IL5: variants seen among roughly 807,000 people sequenced by gnomAD.
IL5 encodes the protein interleukin 5.
Under a neutral mutation model 16.3 loss-of-function variants are expected in IL5, and 12 were observed. The ratio of observed to expected loss-of-function variants is 0.74; its 90% confidence interval spans 0.47 to 1.20. The LOEUF is 1.20. Among genes scored for constraint, IL5 ranks in the 50% most tolerant of loss-of-function variants. The probability of loss-of-function intolerance (pLI) is 0.00; values close to 1 mark genes in which losing one functional copy is unlikely to be tolerated. For missense variants in IL5, 159 were observed against 153.9 expected (o/e 1.03, Z -0.17); for synonymous variants, 54 against 56.6 (o/e 0.95, Z 0.21).
rs771313558 is a variant in IL5, at chr5:132,541,896, TCTC to T, written c.317_319del (p.Gly106del). ...GAATTGGTTTACTCTCCGTCTTTCT[TCTC>T]CACACTTTTTCTGTGAAAAAAGAAA... On this transcript the variant is annotated inframe_deletion, in exon 4 of 4. Coordinates refer to ENST00000231454, the MANE Select transcript of IL5 (RefSeq NM_000879.3). 3.1e-6 allele frequency: 5 copies of T among 1,613,886 alleles called. No individual in the cohort carries two copies. Among genetic ancestry groups the T allele is most frequent in the Non-Finnish European group, 1.7e-6 (2 of 1,179,808 alleles).
intron 1 of IL5, among the ~76,000 whole-genome samples, chr5:132,549,009 C>G (rs1318120428): frequency 1.3e-5 from 2 of 152,070 alleles, no homozygotes; most frequent in African/African-American, 4.8e-5. Flanking sequence ...TTCCAAGAAC[C>G]TATTGATGAC....
At chr5:132,547,658 A>G (rs745327643), upstream of IL5, among the ~76,000 whole-genome samples, 14 of 152,232 alleles carry the variant, frequency 9.2e-5, no homozygotes, top group East Asian at 1.9e-4. Context: ...AGTTGTGACA[A>G]TTGTACCATA....
intron 1 of IL5, among the ~76,000 whole-genome samples, chr5:132,555,859 A>G (rs946138757): frequency 3.9e-5 from 6 of 152,222 alleles, no homozygotes; most frequent in African/African-American, 1.4e-4. Flanking sequence ...TAAAATAAAA[A>G]AAGGTCTTTC....
intron 1 of IL5, among the ~76,000 whole-genome samples, chr5:132,552,730 T>A (rs1749903645): frequency 6.6e-6 from 1 of 152,116 alleles, no homozygotes. Context: ...TACAATGAAA[T>A]TAACAAGAAT....
Position 132,543,514 on chromosome 5 carries a change from A to G in IL5, c.-36T>C, listed in dbSNP as rs781287260. Reference sequence around the variant, plus strand: ...CGTTCTGCGTTTGCCTTTGGCAAAGAAAGTGCATAGTACAAGACTGCGTCC... The same window carrying G: ...CGTTCTGCGTTTGCCTTTGGCAAAGGAAGTGCATAGTACAAGACTGCGTCC... On this transcript the variant is annotated 5_prime_UTR_variant, in exon 1 of 4. Transcript: ENST00000231454. 3 of 1,609,506 alleles carry G rather than the reference A, an allele frequency of 1.9e-6. No individual in the cohort carries two copies. The highest frequency in any genetic ancestry group is 2.5e-6 in the Non-Finnish European group (3 of 1,177,932).
upstream of IL5, among the ~76,000 whole-genome samples, chr5:132,548,226 T>A (rs1019452394): frequency 6.7e-6 from 1 of 149,902 alleles, no homozygotes; most frequent in African/African-American, 2.5e-5. Flanking sequence ...TGAGACCCTG[T>A]CTCAAAAAAA....
intron 2 of IL5, 52 bp downstream of exon 2, chr5:132,543,042 A>G (rs1749722959): frequency 7.5e-7 from 1 of 1,335,502 alleles, no homozygotes. Context: ...AGCTTAAAAC[A>G]GGAAATTTAC....
chr5:132,544,086 G>T (rs1253838180), upstream of IL5, among the ~76,000 whole-genome samples: 1 of 152,138 alleles, frequency 6.6e-6, no homozygotes, highest in Non-Finnish European at 1.5e-5. Flanking sequence ...AAAGAGGGAA[G>T]GTATTGGCTC....
At chr5:132,544,922 A>G (rs771931513), upstream of IL5, among the ~76,000 whole-genome samples, 1 of 152,208 alleles carries the variant, frequency 6.6e-6, no homozygotes, top group South Asian at 2.1e-4. Flanking sequence ...CCAGCTCTGC[A>G]CTGGAAAGAT....
chr5:132,555,356 AAGT>A (rs1431565808), intron 1 of IL5, among the ~76,000 whole-genome samples: 2 of 152,216 alleles, frequency 1.3e-5, no homozygotes, highest in Non-Finnish European at 2.9e-5. Flanking sequence ...TAGAGACAGT[AAGT>A]AGAATGTTGG....
chr5:132,553,599 T>C (rs895639340), intron 1 of IL5, among the ~76,000 whole-genome samples: 3 of 151,522 alleles, frequency 2.0e-5, no homozygotes, highest in Admixed American at 2.0e-4. Flanking sequence ...GATTTGCTTT[T>C]TTCTTCCTAC....
upstream of IL5, among the ~76,000 whole-genome samples, chr5:132,546,463 T>G (rs1265935474): frequency 2.0e-5 from 3 of 152,220 alleles, no homozygotes; most frequent in Non-Finnish European, 1.5e-5. Context: ...TCATCCATGT[T>G]GTAGCATGTG....
intron 1 of IL5, among the ~76,000 whole-genome samples, chr5:132,550,834 T>C (rs1367978973): frequency 6.6e-6 from 1 of 152,212 alleles, no homozygotes; most frequent in Non-Finnish European, 1.5e-5. Flanking sequence ...AAGAGTTTGA[T>C]AAATATGCTG....
At chr5:132,542,210 A>G (rs1749708788) in intron 2 of IL5, 67 bp from the exon 3 acceptor site, 2 of 1,123,764 alleles carry the variant, frequency 1.8e-6, no homozygotes, top group South Asian at 1.4e-5. Context: ...TCCATTGTCC[A>G]TTCTGCAATG....
chr5:132,545,050 T>C (rs1279326101), upstream of IL5, among the ~76,000 whole-genome samples: 1 of 152,206 alleles, frequency 6.6e-6, no homozygotes, highest in African/African-American at 2.4e-5. Flanking sequence ...AATGTTTTCC[T>C]TGAGAAATGT....
intron 1 of IL5, among the ~76,000 whole-genome samples, chr5:132,552,539 A>C (rs1476141647): frequency 6.6e-6 from 1 of 152,112 alleles, no homozygotes; most frequent in Non-Finnish European, 1.5e-5. Flanking sequence ...ATTGTTACAA[A>C]GTTGAAATTT....
chr5:132,554,968 T>G (rs1405418015), intron 1 of IL5, among the ~76,000 whole-genome samples: 1 of 152,128 alleles, frequency 6.6e-6, no homozygotes, highest in Non-Finnish European at 1.5e-5. Context: ...GGTGATGGTT[T>G]TGGGATGAAA....
chr5:132,555,113 C>A (rs1160147114), intron 1 of IL5, among the ~76,000 whole-genome samples: 9 of 152,156 alleles, frequency 5.9e-5, no homozygotes, highest in Non-Finnish European at 1.2e-4. Flanking sequence ...ATCTAATGCC[C>A]CCACTGATCT....
upstream of IL5, among the ~76,000 whole-genome samples, chr5:132,545,938 AAAAC>A (rs1749777408): frequency 1.3e-5 from 2 of 152,056 alleles, no homozygotes; most frequent in African/African-American, 2.4e-5. Flanking sequence ...AACAAACAAA[AAAAC>A]AAAAAGCACA....
Sources: gnomAD v4.1 joint callset for allele counts (sites outside exome capture counted in the v4.1 genomes callset) on GRCh38, gnomAD v4.1.1 for gene constraint, MANE v1.5 for transcripts, NCBI Gene and HGNC (gene_info 2026-07-23, HGNC 2026-07-21) for gene names.